BNC2: variants seen among roughly 807,000 people sequenced by gnomAD.
The protein encoded by BNC2 is zinc finger protein basonuclin-2.
BNC2 carries 20 observed loss-of-function variants against 76.3 expected under a neutral mutation model. The ratio of observed to expected loss-of-function variants is 0.26; its 90% CI spans 0.18 to 0.38. The LOEUF (loss-of-function observed/expected upper bound fraction) is 0.38, where lower values mean the gene tolerates loss of function less well. Among genes scored for constraint, BNC2 ranks in the 10% least tolerant of loss-of-function variants. The pLI is 1.00. For missense variants in BNC2, 1,382 were observed against 1,399.8 expected (o/e 0.99, Z 0.20); for synonymous variants, 582 against 514.8 (o/e 1.13, Z -1.77).
chr9:16,598,321 T>A (rs1235984451), intron 3 of BNC2, among the ~76,000 whole-genome samples: 1 of 152,132 alleles, frequency 6.6e-6, no homozygotes, highest in Non-Finnish European at 1.5e-5. Context: ...AATTAAAAAA[T>A]AAAAGTGATG....
At chr9:16,695,364 T>A (rs555684511) in intron 3 of BNC2, among the ~76,000 whole-genome samples, 1 of 152,092 alleles carries the variant, frequency 6.6e-6, no homozygotes, top group African/African-American at 2.4e-5. Context: ...TGATGTGCAT[T>A]TGTGACTCGC....
At chr9:16,639,222 T>C (rs1821416995) in intron 3 of BNC2, among the ~76,000 whole-genome samples, 1 of 152,326 alleles carries the variant, frequency 6.6e-6, no homozygotes, top group East Asian at 1.9e-4. Context: ...AACCAAATTT[T>C]AGTTCAATAA....
At chr9:16,511,505 G>GCA (rs1822755996) in intron 5 of BNC2, among the ~76,000 whole-genome samples, 1 of 138,710 alleles carries the variant, frequency 7.2e-6, no homozygotes, top group Non-Finnish European at 1.5e-5. Flanking sequence ...ATAGCTCACT[G>GCA]CAGTCTCAAC....
intron 3 of BNC2, among the ~76,000 whole-genome samples, chr9:16,682,516 G>A (rs568472929): frequency 2.0e-5 from 3 of 152,068 alleles, no homozygotes; most frequent in Admixed American, 6.5e-5. Flanking sequence ...GCCTGATCAC[G>A]GTTAATTACA....
In BNC2 at chr9:16,435,631, C is replaced by T. The variant is rs747700365; in HGVS notation, c.2563G>A (p.Val855Ile). 10 of 1,614,140 alleles carry T rather than the reference C, an allele frequency of 6.2e-6. No individual in the cohort carries two copies. Among genetic ancestry groups the T allele is most frequent in the Admixed American group, 1.7e-5 (1 of 60,014 alleles). Reference protein sequence around the residue: ...SYSVKLHYRNVHLKEMHVCTV... With the variant: ...SYSVKLHYRNIHLKEMHVCTV... ...CAGACGTGCATCTCTTTCAAGTGAA[C>T]GTTCCTGTAGTGAAGTTTCACACTG... The change falls in exon 6 of 7, where the codon GTT (valine) becomes ATT (isoleucine). Residue 855 changes from valine to isoleucine, a missense_variant. This residue lies in a region of BNC2 where 798 missense variants were observed against 775.5 expected (regional missense o/e 1.03). Coordinates refer to ENST00000380672, the MANE Select transcript of BNC2 (RefSeq NM_017637.6).
At chr9:16,588,086 G>C (rs1819822932) in intron 3 of BNC2, among the ~76,000 whole-genome samples, 1 of 152,142 alleles carries the variant, frequency 6.6e-6, no homozygotes, top group Non-Finnish European at 1.5e-5. Flanking sequence ...AAAAATACAT[G>C]ATTCTCTGAG....
At chr9:16,621,224 G>A (rs556282914) in intron 3 of BNC2, among the ~76,000 whole-genome samples, 55 of 152,254 alleles carry the variant, frequency 3.6e-4, no homozygotes, top group Middle Eastern at 3.4e-3. Flanking sequence ...AATTTCTTTT[G>A]TCTGGGATTG....
At chr9:16,523,362 T>C (rs894250263) in intron 5 of BNC2, among the ~76,000 whole-genome samples, 30 of 151,236 alleles carry the variant, frequency 2.0e-4, no homozygotes, top group Admixed American at 1.6e-3. Flanking sequence ...TCCCAGCTAC[T>C]TGGGAGGCTA....
chr9:16,452,732 T>C (rs1280683133), intron 5 of BNC2, among the ~76,000 whole-genome samples: 2 of 152,188 alleles, frequency 1.3e-5, no homozygotes. Context: ...TTATAAATGT[T>C]CGTGGGCGCA....
intron 3 of BNC2, among the ~76,000 whole-genome samples, chr9:16,673,906 C>T (rs1822560035): frequency 6.6e-6 from 1 of 152,146 alleles, no homozygotes; most frequent in Non-Finnish European, 1.5e-5. Context: ...TGTTATAATA[C>T]CTTGCACTAA....
chr9:16,770,894 G>A (rs1825815765), intron 1 of BNC2, among the ~76,000 whole-genome samples: 1 of 152,020 alleles, frequency 6.6e-6, no homozygotes, highest in South Asian at 2.1e-4. Context: ...AAAAGGGCTG[G>A]GCTCGGTGGC....
rs1354829875 is a variant in BNC2, at chr9:16,582,861, C to G, written c.433+122G>C. On this transcript the variant is annotated intron_variant, in intron 4 of 6. Transcript: ENST00000380672. ...AACACTTGGAGCACAGCTGACCTCT[C>G]TCTTCTCCAGGCCAGTGACTCCTCT... is the stretch of plus-strand genomic sequence containing the variant. The G allele has an allele frequency of 3.7e-6, 3 of 803,050 alleles. No homozygotes were observed. In the African/African-American group the frequency reaches 5.1e-5, roughly 14 times the overall value. The allele number at this position is 803,050 out of a possible 1,614,324, so 49.7% of individuals were successfully genotyped here.
chr9:16,594,254 A>G (rs28490464), intron 3 of BNC2, among the ~76,000 whole-genome samples: 1 of 152,096 alleles, frequency 6.6e-6, no homozygotes, highest in Non-Finnish European at 1.5e-5. Context: ...CATGATTATC[A>G]CACACTTTGG....
chr9:16,782,332 A>T (rs1362489270), intron 1 of BNC2, among the ~76,000 whole-genome samples: 1 of 151,824 alleles, frequency 6.6e-6, no homozygotes, highest in Non-Finnish European at 1.5e-5. Context: ...GTATAATTAA[A>T]TTTTTTTAGA....
At chr9:16,608,985 T>G (rs948492447) in intron 3 of BNC2, among the ~76,000 whole-genome samples, 2 of 152,216 alleles carry the variant, frequency 1.3e-5, no homozygotes, top group African/African-American at 4.8e-5. Context: ...AAGTTCAGTC[T>G]CCTGTACAGG....
rs373261536 is a variant in BNC2, at chr9:16,627,574, T to C, written c.331-44489A>G. Among the ~76,000 whole-genome samples, 29 of 152,224 alleles carry C rather than the reference T, an allele frequency of 1.9e-4. No individual in the cohort carries two copies. The East Asian group carries it at 5.2e-3, about 27-fold the overall frequency. On this transcript the variant is annotated intron_variant, in intron 3 of 6. Transcript: ENST00000380672. ...AGCCCATTAATGACACCAAAATTAC[T>C]TAAAAGACTAGTCTCTCAATCCTCC... is the stretch of plus-strand genomic sequence containing the variant.
chr9:16,689,163 CAAAA>C (rs58620248), intron 3 of BNC2, among the ~76,000 whole-genome samples: 1 of 50,496 alleles, frequency 2.0e-5, no homozygotes, highest in Non-Finnish European at 4.4e-5. Context: ...ACTGAGATCA[CAAAA>C]AAAAAAAAAA....
intron 1 of BNC2, among the ~76,000 whole-genome samples, chr9:16,790,812 G>A (rs1817483465): frequency 9.2e-6 from 1 of 109,164 alleles, no homozygotes. Context: ...CATTCCCTTG[G>A]TAAGCTTTTT....
At chr9:16,657,482 G>C (rs1415451863) in intron 3 of BNC2, among the ~76,000 whole-genome samples, 1 of 152,184 alleles carries the variant, frequency 6.6e-6, no homozygotes, top group African/African-American at 2.4e-5. Context: ...ACAGAAGCTA[G>C]ACTGTGGGAG....
Sources: gnomAD v4.1 joint callset for allele counts (sites outside exome capture counted in the v4.1 genomes callset) on GRCh38, gnomAD v4.1.1 for gene constraint, gnomAD v4.1.1 regional missense constraint, MANE v1.5 for transcripts, NCBI Gene and HGNC (gene_info 2026-07-23, HGNC 2026-07-21) for gene names.